Variants in AKR1C8 observed in about 807,000 individuals in gnomAD.
AKR1C8 encodes the protein aldo-keto reductase family 1 member C-like protein 1.
At chr10:5,135,176 A>G in the AKR1C8 span, 1 of 225,340 alleles carries the variant, frequency 4.4e-6, no homozygotes, top group South Asian at 8.3e-5. Flanking sequence ...ATCCTAATAC[A>G]GGCATGAAAT....
At chr10:5,132,165 C>CAGGACTCAG in the AKR1C8 span, among the ~76,000 whole-genome samples, 1 of 147,520 alleles carries the variant, frequency 6.8e-6, no homozygotes, top group African/African-American at 2.5e-5. Flanking sequence ...AATGGCCTTT[C>CAGGACTCAG]AGGACTCAGT....
At chr10:5,137,758 TAA>T in the AKR1C8 span, among the ~76,000 whole-genome samples, 4 of 152,022 alleles carry the variant, frequency 2.6e-5, no homozygotes, top group African/African-American at 9.7e-5. Context: ...AGAGACAGTA[TAA>T]AGAGAGGAAT....
At chr10:5,172,913 T>C in the AKR1C8 span, among the ~76,000 whole-genome samples, 1 of 152,148 alleles carries the variant, frequency 6.6e-6, no homozygotes, top group Non-Finnish European at 1.5e-5. Flanking sequence ...GCTAATTTCC[T>C]GATTGGATAA....
chr10:5,172,297 A>C, the AKR1C8 span, among the ~76,000 whole-genome samples: 1 of 152,110 alleles, frequency 6.6e-6, no homozygotes, highest in Non-Finnish European at 1.5e-5. Context: ...TTGACTTGTA[A>C]ACATTCCTTT....
At chr10:5,155,828 T>A in the AKR1C8 span, 1 of 412,612 alleles carries the variant, frequency 2.4e-6, no homozygotes, top group Non-Finnish European at 5.1e-6. Context: ...TACAAGGACT[T>A]TCCAGGAGGC....
chr10:5,179,306 C>T, the AKR1C8 span, among the ~76,000 whole-genome samples: 1 of 152,162 alleles, frequency 6.6e-6, no homozygotes, highest in Non-Finnish European at 1.5e-5. Flanking sequence ...TGAATATTGG[C>T]CCCCACTCTC....
the AKR1C8 span, among the ~76,000 whole-genome samples, chr10:5,150,114 CT>C: frequency 6.6e-6 from 1 of 151,456 alleles, no homozygotes; most frequent in Admixed American, 6.6e-5. Context: ...CATATTAGCT[CT>C]TCACTGAGGG....
the AKR1C8 span, chr10:5,184,907 C>A: frequency 7.6e-6 from 3 of 392,466 alleles, no homozygotes; most frequent in South Asian, 3.8e-5. Context: ...CCCAGATGAG[C>A]CCTTCCAAGC....
the AKR1C8 span, among the ~76,000 whole-genome samples, chr10:5,136,690 G>A: frequency 2.0e-5 from 3 of 152,122 alleles, no homozygotes; most frequent in Admixed American, 6.6e-5. Flanking sequence ...ACATCAAAAG[G>A]ACAATTTGCA....
At chr10:5,118,996 C>T in the AKR1C8 span, among the ~76,000 whole-genome samples, 47 of 151,798 alleles carry the variant, frequency 3.1e-4, no homozygotes, top group Non-Finnish European at 5.0e-4. Flanking sequence ...ATCAAATGTG[C>T]GGAAATGTGA....
chr10:5,156,499 C>T, the AKR1C8 span, among the ~76,000 whole-genome samples: 1 of 137,222 alleles, frequency 7.3e-6, no homozygotes, highest in African/African-American at 2.6e-5. Context: ...TTATGTGATC[C>T]AGGACACAAT....
chr10:5,125,118 T>C, the AKR1C8 span, among the ~76,000 whole-genome samples: 4 of 152,198 alleles, frequency 2.6e-5, no homozygotes, highest in African/African-American at 9.6e-5. Context: ...TGTATAATTT[T>C]CTCTGTAGAA....
chr10:5,134,917 A>G, the AKR1C8 span, among the ~76,000 whole-genome samples: 2 of 152,188 alleles, frequency 1.3e-5, no homozygotes, highest in Non-Finnish European at 2.9e-5. Flanking sequence ...AGAAAAAAAC[A>G]GTGCACAAAA....
the AKR1C8 span, among the ~76,000 whole-genome samples, chr10:5,156,387 TAAGTC>T: frequency 2.6e-5 from 4 of 152,268 alleles, no homozygotes; most frequent in East Asian, 1.9e-4. Context: ...CTCTCTTACT[TAAGTC>T]AAGAGTAGTT....
the AKR1C8 span, among the ~76,000 whole-genome samples, chr10:5,156,176 C>T: frequency 1.2e-3 from 183 of 152,272 alleles, 1 homozygote; most frequent in African/African-American, 4.3e-3. Flanking sequence ...AATGACAGAG[C>T]CTTAGAACAC....
the AKR1C8 span, among the ~76,000 whole-genome samples, chr10:5,184,842 C>CA: frequency 2.0e-5 from 3 of 152,144 alleles, no homozygotes; most frequent in Non-Finnish European, 4.4e-5. Context: ...CCACTTAAAG[C>CA]AAAAAAGATC....
At chr10:5,157,608 TC>T in the AKR1C8 span, 1 of 465,136 alleles carries the variant, frequency 2.1e-6, no homozygotes, top group Non-Finnish European at 4.5e-6. Flanking sequence ...CATGGCTCAC[TC>T]TGGAGCGACT....
chr10:5,140,538 A>G, the AKR1C8 span, among the ~76,000 whole-genome samples: 7 of 152,018 alleles, frequency 4.6e-5, no homozygotes, highest in Non-Finnish European at 2.9e-5. Context: ...TGAGCAAACA[A>G]TCTCAAGGAC....
chr10:5,142,427 A>G, the AKR1C8 span, among the ~76,000 whole-genome samples: 12 of 152,280 alleles, frequency 7.9e-5, no homozygotes, highest in South Asian at 4.1e-4. Context: ...AATTAACACA[A>G]TAGACCTAGC....
Sources: allele counts gnomAD v4.1 joint callset (sites outside exome capture counted in the v4.1 genomes callset), GRCh38; gene constraint gnomAD v4.1.1; transcripts MANE v1.5; gene names NCBI Gene and HGNC (gene_info 2026-07-23, HGNC 2026-07-21).